Variants in LNX2 observed in about 807,000 individuals in gnomAD.
LNX2 encodes ligand of Numb protein X 2.
A neutral mutation model predicts 66.2 loss-of-function variants in LNX2; 35 were observed. That is an observed-to-expected ratio of 0.53 (90% CI 0.40 to 0.70). The LOEUF (loss-of-function observed/expected upper bound fraction) is 0.70, where lower values mean the gene tolerates loss of function less well. LNX2 is among the 30% of genes least tolerant of loss of function. The probability of loss-of-function intolerance (pLI) is 0.00; values close to 1 mark genes in which losing one functional copy is unlikely to be tolerated. For missense variants in LNX2, 791 were observed against 850.8 expected, an observed-to-expected ratio of 0.93 and a Z score of 0.87; for synonymous variants, 337 against 315.6, an observed-to-expected ratio of 1.07 and a Z score of -0.72.
chr13:27,570,724 T>C (rs1955268721), intron 2 of LNX2, among the ~76,000 whole-genome samples: 1 of 152,072 alleles, frequency 6.6e-6, no homozygotes. Flanking sequence ...ACCATAAAAA[T>C]AATATGACTG....
intron 2 of LNX2, among the ~76,000 whole-genome samples, chr13:27,572,459 G>A (rs892644379): frequency 6.6e-6 from 1 of 152,236 alleles, no homozygotes; most frequent in Admixed American, 6.5e-5. Context: ...CTGAGGCAGT[G>A]CAATCTGCCA....
intron 5 of LNX2, among the ~76,000 whole-genome samples, chr13:27,561,244 T>A (rs922555465): frequency 1.3e-4 from 20 of 152,250 alleles, no homozygotes; most frequent in Non-Finnish European, 5.9e-5. Context: ...CTAGATTAGA[T>A]AATTTAAACA....
intron 1 of LNX2, among the ~76,000 whole-genome samples, chr13:27,616,508 C>A (rs943065672): frequency 1.3e-5 from 2 of 152,156 alleles, no homozygotes; most frequent in African/African-American, 4.8e-5. Flanking sequence ...TTAAAAGACC[C>A]CTGGATGAGG....
At chr13:27,566,271 G>A (rs940437706) in intron 4 of LNX2, among the ~76,000 whole-genome samples, 2 of 152,180 alleles carry the variant, frequency 1.3e-5, no homozygotes, top group African/African-American at 2.4e-5. Context: ...TGGCTCATGA[G>A]ATGAGGACAG....
At chr13:27,583,486 C>T (rs946941348) in intron 1 of LNX2, among the ~76,000 whole-genome samples, 3 of 150,206 alleles carry the variant, frequency 2.0e-5, no homozygotes, top group Admixed American at 1.3e-4. Context: ...TCAAACTGCT[C>T]ACCTCAGGTG....
intron 1 of LNX2, among the ~76,000 whole-genome samples, chr13:27,601,047 T>A (rs1955652803): frequency 6.6e-6 from 1 of 152,226 alleles, no homozygotes; most frequent in African/African-American, 2.4e-5. Flanking sequence ...CCATTTCCAG[T>A]GATTTATTCC....
chr13:27,615,064 A>C (rs1955812312), intron 1 of LNX2, among the ~76,000 whole-genome samples: 3 of 151,928 alleles, frequency 2.0e-5, no homozygotes, highest in Admixed American at 1.3e-4. Context: ...CTCTAGTTCA[A>C]TTCAATTCTG....
chr13:27,569,256 C>T lies in LNX2; in HGVS notation c.428G>A (p.Arg143Gln), dbSNP rs769182976. The T allele has an allele frequency of 1.5e-5, 24 of 1,612,580 alleles. No individual in the cohort carries two copies. The highest frequency in any genetic ancestry group is 4.0e-5 in the African/African-American group (3 of 74,694). ...TTTCCTTCTCTCCAGGGCAACTCTC[C>T]GATGAGAAGCTCCAGGACATCTAGA... ...LKNRCPGASH[R>Q]RVALERRKTS... The change falls in exon 3 of 10, where the codon CGG (arginine) becomes CAG (glutamine). Residue 143 changes from arginine to glutamine, a missense_variant. Physicochemically the swap from Arg to Gln is conservative, Grantham distance 43 (BLOSUM62 1). Transcript: ENST00000316334.
chr13:27,590,057 C>T (rs957072480), intron 1 of LNX2, among the ~76,000 whole-genome samples: 1 of 152,148 alleles, frequency 6.6e-6, no homozygotes, highest in Non-Finnish European at 1.5e-5. Flanking sequence ...TCATGCCATT[C>T]TCCTGCCTCG....
chr13:27,584,563 G>T (rs1221278936), intron 1 of LNX2, among the ~76,000 whole-genome samples: 1 of 151,922 alleles, frequency 6.6e-6, no homozygotes, highest in East Asian at 1.9e-4. Context: ...GTGCATGGCT[G>T]TAGTCCCAGT....
At chr13:27,576,749 G>T (rs920813942) in intron 2 of LNX2, among the ~76,000 whole-genome samples, 11 of 151,622 alleles carry the variant, frequency 7.3e-5, no homozygotes, top group African/African-American at 1.9e-4. Context: ...GAAAAGAAAG[G>T]CCTCAATAAA....
At chr13:27,571,220 G>A (rs993756311) in intron 2 of LNX2, among the ~76,000 whole-genome samples, 1 of 152,120 alleles carries the variant, frequency 6.6e-6, no homozygotes, top group African/African-American at 2.4e-5. Context: ...GACAAAGAGT[G>A]CAAACTTAAC....
intron 1 of LNX2, among the ~76,000 whole-genome samples, chr13:27,591,153 T>C (rs1376726657): frequency 6.6e-6 from 1 of 152,242 alleles, no homozygotes; most frequent in Non-Finnish European, 1.5e-5. Flanking sequence ...TTGGCCTTGA[T>C]GTTTACACAG....
intron 2 of LNX2, among the ~76,000 whole-genome samples, chr13:27,575,335 C>T (rs868783727): frequency 6.6e-6 from 1 of 152,104 alleles, no homozygotes; most frequent in African/African-American, 2.4e-5. Context: ...TATGTGTCAA[C>T]TGAGTGGGCC....
chr13:27,574,938 A>T (rs1955326596), intron 2 of LNX2, among the ~76,000 whole-genome samples: 1 of 152,232 alleles, frequency 6.6e-6, no homozygotes, highest in African/African-American at 2.4e-5. Context: ...GAGACAGAGA[A>T]GGGGAGAAAA....
Position 27,567,700 on chromosome 13 carries a change from G to A in LNX2, c.795C>T (p.Val265=). 6.2e-7 allele frequency: 1 copy of A among 1,613,916 alleles called. No homozygotes were observed. The highest frequency in any genetic ancestry group is 8.5e-7 in the Non-Finnish European group (1 of 1,179,932). ...TPLINIVIQE[V]YRDGVIARDG... ...CTCTGGCAATGACCCCATCCCGATA[G>A]ACCTCCTGGATGACAATGTTAATCA... The change falls in exon 4 of 10, where the codon GTC becomes GTT. Residue 265 remains valine (V), a synonymous_variant. Transcript: ENST00000316334.
At position 27,567,542 on chromosome 13, in the gene LNX2, T is replaced by C. The variant is rs141980669; in HGVS notation, c.855+98A>G. The C allele has an allele frequency of 6.0e-4, 534 of 890,962 alleles. 3 individuals carry two copies. In the East Asian group the frequency reaches 0.011, roughly 19 times the overall value. The allele number at this position is 890,962 out of a possible 1,614,324, so 55.2% of individuals were successfully genotyped here. ...ATATAGAAACAGTAAAACTAATCTA[T>C]ATATAATTTAGGTTCCAAAACAGCA... On this transcript the variant is annotated intron_variant, in intron 4 of 9. Coordinates refer to ENST00000316334, the MANE Select transcript of LNX2 (RefSeq NM_153371.4).
upstream of LNX2, chr13:27,620,864 G>C (rs1373889806): frequency 6.5e-6 from 1 of 152,814 alleles, no homozygotes. Context: ...CGCCAAGAGT[G>C]GCACAGCTGG....
chr13:27,554,947 T>C (rs1029606638), intron 7 of LNX2, among the ~76,000 whole-genome samples: 5 of 152,186 alleles, frequency 3.3e-5, no homozygotes, highest in African/African-American at 1.2e-4. Flanking sequence ...AGTAGTATCT[T>C]ACTGTGGTTT....
Sources: gnomAD v4.1 joint callset for allele counts (sites outside exome capture counted in the v4.1 genomes callset) on GRCh38, gnomAD v4.1.1 for gene constraint, MANE v1.5 for transcripts, NCBI Gene and HGNC (gene_info 2026-07-23, HGNC 2026-07-21) for gene names.